PTK2B: variants seen among roughly 807,000 people sequenced by gnomAD.
PTK2B encodes the protein protein-tyrosine kinase 2-beta.
PTK2B carries 71 observed loss-of-function variants against 142.9 expected under a neutral mutation model. The ratio of observed to expected loss-of-function variants is 0.50; its 90% confidence interval spans 0.41 to 0.61. The LOEUF is 0.61. Ranked by LOEUF, PTK2B falls within the 20% of genes least tolerant of loss-of-function variation. The probability of loss-of-function intolerance (pLI) is 0.00; values close to 1 mark genes in which losing one functional copy is unlikely to be tolerated. For synonymous variants in PTK2B, 519 were observed against 503.4 expected, an observed-to-expected ratio of 1.03 and a Z score of -0.42; for missense variants, 1,105 against 1,320.4, an observed-to-expected ratio of 0.84 and a Z score of 2.53.
At chr8:27,327,557 G>A (rs951577551) in intron 1 of PTK2B, among the ~76,000 whole-genome samples, 5 of 152,166 alleles carry the variant, frequency 3.3e-5, no homozygotes, top group Non-Finnish European at 5.9e-5. Flanking sequence ...TGAGGTTGGC[G>A]CAATGCTGTG....
At chr8:27,329,185 C>T (rs574175361) in intron 1 of PTK2B, among the ~76,000 whole-genome samples, 21 of 152,298 alleles carry the variant, frequency 1.4e-4, no homozygotes, top group African/African-American at 4.8e-4. Context: ...ATCTGCCTGC[C>T]TCAGCCTCCC....
At chr8:27,339,453 G>T (rs1804262754) in intron 1 of PTK2B, among the ~76,000 whole-genome samples, 1 of 152,166 alleles carries the variant, frequency 6.6e-6, no homozygotes, top group African/African-American at 2.4e-5. Flanking sequence ...TTTACCATTG[G>T]TCCTTTCTTA....
At chr8:27,431,609 G>A (rs41276295) in intron 9 of PTK2B, 137 bp downstream of exon 9, 495,668 of 1,109,200 alleles carry the variant, frequency 0.45, 113,731 homozygotes, top group South Asian at 0.55. Flanking sequence ...GCCATGCCCT[G>A]GCGTGAGCAG....
chr8:27,311,103 C>A, upstream of PTK2B: 1 of 1,598,722 alleles, frequency 6.3e-7, no homozygotes, highest in Non-Finnish European at 8.5e-7. Flanking sequence ...CAGCGGCTCA[C>A]GCACCCGCGG....
At chr8:27,391,575 C>G (rs1389274573) in intron 1 of PTK2B, among the ~76,000 whole-genome samples, 1 of 152,198 alleles carries the variant, frequency 6.6e-6, no homozygotes, top group African/African-American at 2.4e-5. Flanking sequence ...ATTCCTGTAA[C>G]CCTAGCATCT....
chr8:27,394,936 C>T (rs560645658), intron 1 of PTK2B, among the ~76,000 whole-genome samples: 4 of 152,236 alleles, frequency 2.6e-5, no homozygotes, highest in South Asian at 2.1e-4. Context: ...CACTGTCTTC[C>T]GCCTCCACAT....
At chr8:27,319,318 C>CTTTT (rs35130657) in intron 3 of PTK2B, among the ~76,000 whole-genome samples, 3 of 141,712 alleles carry the variant, frequency 2.1e-5, no homozygotes, top group Non-Finnish European at 3.0e-5. Flanking sequence ...TTAAAGCAAC[C>CTTTT]TTTTTTTTTT....
At chr8:27,439,249 G>C in intron 19 of PTK2B, 60 bp from the exon 20 acceptor site, 4 of 1,560,484 alleles carry the variant, frequency 2.6e-6, no homozygotes, top group Non-Finnish European at 3.5e-6. Flanking sequence ...AAAGTAGGAT[G>C]TATTTCTGGA....
At chr8:27,373,672 A>T (rs1196578074) in intron 1 of PTK2B, among the ~76,000 whole-genome samples, 1 of 151,702 alleles carries the variant, frequency 6.6e-6, no homozygotes, top group Non-Finnish European at 1.5e-5. Flanking sequence ...ACACAGCAAG[A>T]CTCTGTTTCT....
At chr8:27,354,907 G>A (rs556266788) in intron 1 of PTK2B, among the ~76,000 whole-genome samples, 113 of 151,328 alleles carry the variant, frequency 7.5e-4, no homozygotes, top group South Asian at 1.7e-3. Flanking sequence ...GATTTTCAAG[G>A]ATGATATTTT....
chr8:27,442,439 G>A (rs937276508), intron 21 of PTK2B, among the ~76,000 whole-genome samples: 1 of 152,138 alleles, frequency 6.6e-6, no homozygotes, highest in Non-Finnish European at 1.5e-5. Flanking sequence ...GCACATACCG[G>A]GGATGCGTTG....
At chr8:27,326,336 C>T (rs906654940) in intron 1 of PTK2B, among the ~76,000 whole-genome samples, 1 of 152,086 alleles carries the variant, frequency 6.6e-6, no homozygotes, top group African/African-American at 2.4e-5. Context: ...TCAGAGCTGC[C>T]TCTGCCTGCT....
chr8:27,373,699 A>T (rs7010278), intron 1 of PTK2B, among the ~76,000 whole-genome samples: 2,797 of 151,140 alleles, frequency 0.019, 85 homozygotes, highest in African/African-American at 0.058. Flanking sequence ...AATTTTTTTT[A>T]AAAAAAATTG....
chr8:27,389,625 C>T (rs909710742), intron 1 of PTK2B, among the ~76,000 whole-genome samples: 5 of 152,222 alleles, frequency 3.3e-5, no homozygotes, highest in African/African-American at 4.8e-5. Flanking sequence ...GTAATGGGTG[C>T]GGGGGTGGGG....
At chr8:27,373,113 C>T (rs1408158729) in intron 1 of PTK2B, among the ~76,000 whole-genome samples, 1 of 152,154 alleles carries the variant, frequency 6.6e-6, no homozygotes, top group East Asian at 1.9e-4. Context: ...ATGGGCTTCA[C>T]TCATGCAAGT....
intron 1 of PTK2B, among the ~76,000 whole-genome samples, chr8:27,361,156 C>A (rs574213590): frequency 6.6e-6 from 1 of 152,174 alleles, no homozygotes; most frequent in Admixed American, 6.5e-5. Flanking sequence ...TTATTCCACA[C>A]TCTATGTCCA....
chr8:27,436,364 T>C lies in PTK2B; in HGVS notation c.1341+16T>C. 1 of 1,591,186 alleles carries C rather than the reference T, an allele frequency of 6.3e-7. No homozygotes were observed. On this transcript the variant is annotated intron_variant, in intron 15 of 30. Coordinates refer to ENST00000346049, the MANE Select transcript of PTK2B (RefSeq NM_173176.3). ...CACAAATCACGTGAGTTCTAGGATCTTCCCTTACACTCCTCTTCCACATGT... is the reference window on the plus strand; with the variant it reads ...CACAAATCACGTGAGTTCTAGGATCCTCCCTTACACTCCTCTTCCACATGT...
chr8:27,367,491 G>T (rs1037398198), intron 1 of PTK2B, among the ~76,000 whole-genome samples: 1 of 152,220 alleles, frequency 6.6e-6, no homozygotes, highest in African/African-American at 2.4e-5. Context: ...CCCCCAGGAC[G>T]ATGGCCTCTC....
rs758933444 is a variant in PTK2B, at chr8:27,451,027, G to T, written c.2488-16G>T. 35 of 1,612,418 alleles carry T rather than the reference G, an allele frequency of 2.2e-5. No homozygotes were observed. The highest frequency in any genetic ancestry group is 2.8e-5 in the Non-Finnish European group (33 of 1,178,536). On this transcript the variant is annotated splice_polypyrimidine_tract_variant and intron_variant, in intron 25 of 30. Coordinates refer to ENST00000346049, the MANE Select transcript of PTK2B (RefSeq NM_173176.3). ...CCAGAATTCTTAGTCCTTCGCTCTT[G>T]TTTCTTCCTCTGCAGGACCCCATGG...
Sources: gnomAD v4.1 joint callset for allele counts (sites outside exome capture counted in the v4.1 genomes callset) on GRCh38, gnomAD v4.1.1 for gene constraint, MANE v1.5 for transcripts, NCBI Gene and HGNC (gene_info 2026-07-23, HGNC 2026-07-21) for gene names.